PCDH9: variants seen among roughly 807,000 people sequenced by gnomAD.
PCDH9 encodes protocadherin-9.
In PCDH9, 24 loss-of-function variants were observed where a neutral mutation model predicts 70.6. The observed-to-expected ratio is 0.34, with a 90% CI of 0.25 to 0.48. The LOEUF (loss-of-function observed/expected upper bound fraction) is 0.48. Ranked by LOEUF, PCDH9 falls within the 20% of genes least tolerant of loss-of-function variation. PCDH9 has a pLI of 0.99. For missense variants in PCDH9, 1,281 were observed against 1,503.6 expected (o/e 0.85, Z 2.45); for synonymous variants, 562 against 558.5 (o/e 1.01, Z -0.09).
At chr13:66,701,919 G>C (rs1188320298) in intron 3 of PCDH9, among the ~76,000 whole-genome samples, 1 of 152,116 alleles carries the variant, frequency 6.6e-6, no homozygotes, top group Non-Finnish European at 1.5e-5. Flanking sequence ...TTGTTCAGGT[G>C]GAAGAGTGAC....
At chr13:66,325,958 G>C (rs981473747) in intron 4 of PCDH9, among the ~76,000 whole-genome samples, 1 of 152,094 alleles carries the variant, frequency 6.6e-6, no homozygotes, top group African/African-American at 2.4e-5. Context: ...AAAACTGACA[G>C]GAAGTGTGGC....
chr13:66,980,609 A>C (rs1039312686), intron 2 of PCDH9, among the ~76,000 whole-genome samples: 2 of 151,350 alleles, frequency 1.3e-5, no homozygotes, highest in Non-Finnish European at 2.9e-5. Flanking sequence ...TTATTTTTCC[A>C]TTACAATCCT....
At chr13:66,957,508 T>C (rs2083282389) in intron 2 of PCDH9, among the ~76,000 whole-genome samples, 1 of 152,196 alleles carries the variant, frequency 6.6e-6, no homozygotes, top group Admixed American at 6.5e-5. Flanking sequence ...CAATGTTAAA[T>C]ATTTTAGAAA....
At chr13:66,395,087 A>T (rs1957079621) in intron 4 of PCDH9, among the ~76,000 whole-genome samples, 1 of 152,218 alleles carries the variant, frequency 6.6e-6, no homozygotes, top group Non-Finnish European at 1.5e-5. Context: ...CTTGAGAAAG[A>T]TAAACATGAC....
At chr13:66,586,954 T>C (rs1022996467) in intron 4 of PCDH9, among the ~76,000 whole-genome samples, 10 of 152,064 alleles carry the variant, frequency 6.6e-5, no homozygotes, top group African/African-American at 9.7e-5. Context: ...TCCCTGACCA[T>C]ATGAATGTAA....
intron 4 of PCDH9, among the ~76,000 whole-genome samples, chr13:66,569,344 A>T (rs1224300378): frequency 6.6e-6 from 1 of 151,964 alleles, no homozygotes; most frequent in Non-Finnish European, 1.5e-5. Flanking sequence ...AACAATTAGA[A>T]AGGGTAGATA....
chr13:66,621,632 G>A (rs1355163898), intron 4 of PCDH9, among the ~76,000 whole-genome samples: 1 of 152,156 alleles, frequency 6.6e-6, no homozygotes, highest in African/African-American at 2.4e-5. Flanking sequence ...ATAAAACACT[G>A]TTATACAGGA....
At chr13:66,440,867 C>T (rs1451136637) in intron 4 of PCDH9, among the ~76,000 whole-genome samples, 1 of 152,040 alleles carries the variant, frequency 6.6e-6, no homozygotes, top group Non-Finnish European at 1.5e-5. Flanking sequence ...ATGCATCCAA[C>T]ACAGAGACTG....
At chr13:66,838,150 AT>A (rs1378983618) in intron 3 of PCDH9, among the ~76,000 whole-genome samples, 3 of 152,012 alleles carry the variant, frequency 2.0e-5, no homozygotes, top group Non-Finnish European at 2.9e-5. Context: ...ATTCTATAAT[AT>A]TTTTTTCTCC....
intron 2 of PCDH9, among the ~76,000 whole-genome samples, chr13:67,111,149 A>G (rs2086651615): frequency 6.6e-6 from 1 of 152,224 alleles, no homozygotes; most frequent in African/African-American, 2.4e-5. Context: ...GATTCTAATT[A>G]TATGTGCATA....
rs143754054 is a variant in PCDH9 at position 66,564,268 on chromosome 13, G to T, written c.3340+66942C>A. On this transcript the variant is annotated intron_variant, in intron 4 of 4. Transcript: ENST00000377865. ...CAGCCTCAATCTCCTGTGCTCAAGGGATCTTCCCACCTTAGCCTTTCAAGT... is the reference window on the plus strand; with the variant it reads ...CAGCCTCAATCTCCTGTGCTCAAGGTATCTTCCCACCTTAGCCTTTCAAGT... Among the ~76,000 whole-genome samples, 1,046 of 152,036 alleles carry T rather than the reference G, an allele frequency of 6.9e-3. 10 individuals carry two copies. Among genetic ancestry groups the T allele is most frequent in the Middle Eastern group, 0.01 (3 of 294 alleles).
chr13:66,648,498 C>T (rs1317568704), intron 3 of PCDH9, among the ~76,000 whole-genome samples: 1 of 152,262 alleles, frequency 6.6e-6, no homozygotes, highest in Non-Finnish European at 1.5e-5. Context: ...CACAGTGTTA[C>T]TGACCTTGGG....
chr13:66,642,781 A>C (rs2077725609), intron 3 of PCDH9, among the ~76,000 whole-genome samples: 1 of 151,890 alleles, frequency 6.6e-6, no homozygotes. Context: ...ATATAATTGG[A>C]ATTCCATTAG....
At chr13:67,124,880 G>T (rs1037900498) in intron 2 of PCDH9, among the ~76,000 whole-genome samples, 9 of 152,112 alleles carry the variant, frequency 5.9e-5, no homozygotes, top group Admixed American at 2.0e-4. Context: ...CTTACCCATG[G>T]TTACTGCTGT....
intron 4 of PCDH9, among the ~76,000 whole-genome samples, chr13:66,573,322 C>T (rs2076762287): frequency 1.4e-5 from 2 of 138,046 alleles, no homozygotes; most frequent in African/African-American, 5.4e-5. Flanking sequence ...ATTCTGGTTA[C>T]TAATCCTTTG....
chr13:66,802,139 A>C (rs1296400071), intron 3 of PCDH9, among the ~76,000 whole-genome samples: 1 of 151,686 alleles, frequency 6.6e-6, no homozygotes. Context: ...TTTTTCTTAG[A>C]GCTGTTTATT....
intron 2 of PCDH9, among the ~76,000 whole-genome samples, chr13:66,963,276 G>C (rs769656747): frequency 6.6e-6 from 1 of 152,166 alleles, no homozygotes; most frequent in African/African-American, 2.4e-5. Flanking sequence ...TGGGGTTGGA[G>C]ACTCCTATAA....
chr13:66,597,086 C>G (rs991905907), intron 4 of PCDH9, among the ~76,000 whole-genome samples: 3 of 151,584 alleles, frequency 2.0e-5, no homozygotes, highest in African/African-American at 7.3e-5. Context: ...TGACATTAGT[C>G]AGCTGACCAT....
At chr13:66,472,211 C>CAAA (rs34935198) in intron 4 of PCDH9, among the ~76,000 whole-genome samples, 4 of 112,314 alleles carry the variant, frequency 3.6e-5, no homozygotes, top group Non-Finnish European at 7.1e-5. Flanking sequence ...GACTCCATCT[C>CAAA]AAAAAAAAAA....
Sources: gnomAD v4.1 joint callset for allele counts (sites outside exome capture counted in the v4.1 genomes callset) on GRCh38, gnomAD v4.1.1 for gene constraint, MANE v1.5 for transcripts, NCBI Gene and HGNC (gene_info 2026-07-23, HGNC 2026-07-21) for gene names.